Variants in RIT2 observed in about 807,000 individuals in gnomAD.
RIT2 encodes Ras like without CAAX 2.
RIT2 carries 24 observed loss-of-function variants against 23.7 expected under a neutral mutation model. The observed-to-expected ratio is 1.01, with a 90% CI of 0.73 to 1.43. The LOEUF is 1.43. Among genes scored for constraint, RIT2 ranks in the 40% most tolerant of loss-of-function variants. The pLI is 0.00. For missense variants in RIT2, 236 were observed against 266.9 expected (o/e 0.88, Z 0.81); for synonymous variants, 107 against 91.1 (o/e 1.17, Z -0.99).
intron 4 of RIT2, among the ~76,000 whole-genome samples, chr18:42,754,869 C>T (rs1913124966): frequency 6.6e-6 from 1 of 152,110 alleles, no homozygotes; most frequent in South Asian, 2.1e-4. Context: ...GAATATTGCC[C>T]TCAACTGTAT....
intron 3 of RIT2, among the ~76,000 whole-genome samples, chr18:42,933,969 G>T (rs1909391387): frequency 7.1e-6 from 1 of 140,356 alleles, no homozygotes; most frequent in Non-Finnish European, 1.5e-5. Context: ...AGTGAGCCGA[G>T]ATCACACCAC....
intron 4 of RIT2, among the ~76,000 whole-genome samples, chr18:42,858,420 T>C (rs1224983623): frequency 6.6e-6 from 1 of 152,034 alleles, no homozygotes; most frequent in Non-Finnish European, 1.5e-5. Context: ...GGGACAAAAA[T>C]GTATGACTAG....
intron 4 of RIT2, among the ~76,000 whole-genome samples, chr18:42,869,112 C>T (rs941662683): frequency 1.3e-5 from 2 of 152,222 alleles, no homozygotes; most frequent in African/African-American, 4.8e-5. Flanking sequence ...TCTAAATCAG[C>T]AGTCCCCAAA....
In RIT2 at chr18:42,902,978, AT is replaced by A. The variant is rs931924041; in HGVS notation, c.426+20593del. Among the ~76,000 whole-genome samples the A allele has an allele frequency of 7.9e-5, 12 of 151,912 alleles. 2 individuals are homozygous for A. Among genetic ancestry groups the A allele is most frequent in the Admixed American group, 7.9e-4 (12 of 15,248 alleles). ...TTACAAGAAGCACAATTTAAATAAA[AT>A]GACAGAAGATGAAGGACTAGAAAAG... On this transcript the variant is annotated intron_variant, in intron 4 of 4. Coordinates refer to ENST00000326695, the MANE Select transcript of RIT2 (RefSeq NM_002930.4).
chr18:43,041,761 C>T (rs1912133996), intron 1 of RIT2, among the ~76,000 whole-genome samples: 1 of 152,028 alleles, frequency 6.6e-6, no homozygotes. Flanking sequence ...TATAAGTCAA[C>T]TGCTTCTTAC....
intron 1 of RIT2, among the ~76,000 whole-genome samples, chr18:43,043,824 CAAAT>C (rs561451214): frequency 1.3e-5 from 2 of 151,764 alleles, no homozygotes; most frequent in African/African-American, 2.4e-5. Flanking sequence ...ATAAATAAAT[CAAAT>C]AAATAAATAA....
At chr18:43,085,727 G>A (rs746275239) in intron 1 of RIT2, among the ~76,000 whole-genome samples, 16 of 151,100 alleles carry the variant, frequency 1.1e-4, no homozygotes, top group Non-Finnish European at 1.9e-4. Flanking sequence ...ATCCAGTGAC[G>A]TGGTTTGGCC....
rs527768839 is a variant in RIT2, at chr18:43,038,224, T to TTGA, written c.104-4358_104-4357insTCA. Reference sequence around the variant, plus strand: ...TGTCTCAAAAAAAAAAAAAAGCAGTTTCAGATTTTTTTTTTCAGGTACAAG... The same window carrying TTGA: ...TGTCTCAAAAAAAAAAAAAAGCAGTTTGATCAGATTTTTTTTTTCAGGTACAAG... On this transcript the variant is annotated intron_variant, in intron 1 of 4. Transcript: ENST00000326695. 2.3e-4 allele frequency among the ~76,000 whole-genome samples: 32 copies of TTGA among 139,486 alleles called. No homozygotes were observed. The East Asian group carries it at 6.0e-3, about 26-fold the overall frequency. 91.5% of individuals were successfully genotyped at this position (139,486 alleles called of 152,430 possible).
chr18:42,965,881 C>T (rs564027461), intron 3 of RIT2, among the ~76,000 whole-genome samples: 1 of 151,646 alleles, frequency 6.6e-6, no homozygotes, highest in South Asian at 2.1e-4. Flanking sequence ...CTCAGATAGT[C>T]CAGTCCTACT....
At chr18:42,909,983 C>A (rs1007457239) in intron 4 of RIT2, among the ~76,000 whole-genome samples, 2 of 151,976 alleles carry the variant, frequency 1.3e-5, no homozygotes, top group Admixed American at 6.6e-5. Context: ...GACAATTATA[C>A]CTGAAAGCGG....
chr18:42,884,013 A>G (rs1392442703), intron 4 of RIT2, among the ~76,000 whole-genome samples: 20 of 152,160 alleles, frequency 1.3e-4, no homozygotes. Context: ...CTATGTAATA[A>G]CCCAAATAAA....
chr18:42,820,942 C>T (rs1906130941), intron 4 of RIT2, among the ~76,000 whole-genome samples: 1 of 152,090 alleles, frequency 6.6e-6, no homozygotes, highest in African/African-American at 2.4e-5. Context: ...TGACTCTCCC[C>T]ATGGTATTGA....
chr18:43,021,998 C>G (rs1283562274), intron 2 of RIT2, among the ~76,000 whole-genome samples: 1 of 152,058 alleles, frequency 6.6e-6, no homozygotes, highest in Non-Finnish European at 1.5e-5. Flanking sequence ...GGAGGGATAC[C>G]TGCATTCCCA....
intron 2 of RIT2, among the ~76,000 whole-genome samples, chr18:43,015,907 C>T (rs779148837): frequency 2.6e-5 from 4 of 151,892 alleles, no homozygotes; most frequent in South Asian, 2.1e-4. Flanking sequence ...ACACCACTCA[C>T]GTGCTGATAC....
intron 4 of RIT2, among the ~76,000 whole-genome samples, chr18:42,877,530 A>G (rs1907774812): frequency 1.3e-5 from 2 of 149,776 alleles, no homozygotes; most frequent in South Asian, 2.1e-4. Context: ...CTATATATAT[A>G]TATATATATA....
In RIT2 at chr18:42,859,979, T is replaced by TAA. The variant is rs35559948; in HGVS notation, c.426+63591_426+63592dup. On this transcript the variant is annotated intron_variant, in intron 4 of 4. Transcript: ENST00000326695. ...CTCTACACATTTCATTTCCTTGATT[T>TAA]AAAAAAAAAAATTAGAAAGCCTCTT... Among the ~76,000 whole-genome samples, 5 of 148,992 alleles carry TAA rather than the reference T, an allele frequency of 3.4e-5. No homozygotes were observed. In the East Asian group the frequency reaches 5.9e-4, roughly 18 times the overall value.
At chr18:42,895,696 T>G (rs192880606) in intron 4 of RIT2, among the ~76,000 whole-genome samples, 2,359 of 152,302 alleles carry the variant, frequency 0.015, 54 homozygotes, top group African/African-American at 0.053. Flanking sequence ...TTCACTCAAA[T>G]TTTTGTGATC....
At chr18:42,913,387 G>A (rs1292065828) in intron 4 of RIT2, among the ~76,000 whole-genome samples, 1 of 151,548 alleles carries the variant, frequency 6.6e-6, no homozygotes, top group African/African-American at 2.4e-5. Flanking sequence ...TCAATACATC[G>A]AGTTCATCAA....
chr18:42,801,705 C>T (rs1032923599), intron 4 of RIT2, among the ~76,000 whole-genome samples: 3 of 152,198 alleles, frequency 2.0e-5, no homozygotes, highest in African/African-American at 7.2e-5. Flanking sequence ...TGGTTTCTCC[C>T]TTGGTTACTA....
Sources: gnomAD v4.1 joint callset for allele counts (sites outside exome capture counted in the v4.1 genomes callset) on GRCh38, gnomAD v4.1.1 for gene constraint, MANE v1.5 for transcripts, NCBI Gene and HGNC (gene_info 2026-07-23, HGNC 2026-07-21) for gene names.